The following ZNF385D variants were observed in gnomAD, a reference collection of about 807,000 sequenced individuals.
The protein encoded by ZNF385D is zinc finger protein 659.
ZNF385D carries 15 observed loss-of-function variants against 35.8 expected under a neutral mutation model. The ratio of observed to expected loss-of-function variants is 0.42; its 90% CI spans 0.28 to 0.64. ZNF385D has a LOEUF of 0.64. Ranked by LOEUF, ZNF385D falls within the 30% of genes least tolerant of loss-of-function variation. The probability of loss-of-function intolerance (pLI) is 0.23; values close to 1 mark genes in which losing one functional copy is unlikely to be tolerated. For missense variants in ZNF385D, 474 were observed against 494.6 expected (o/e 0.96, Z 0.39); for synonymous variants, 212 against 186.8 (o/e 1.13, Z -1.10).
chr3:22,028,302 C>T (rs1213745955), intron 3 of ZNF385D, among the ~76,000 whole-genome samples: 1 of 152,150 alleles, frequency 6.6e-6, no homozygotes, highest in African/African-American at 2.4e-5. Flanking sequence ...ACAACTCAGC[C>T]TCTTTCACCA....
In ZNF385D at chr3:21,876,697, AT is replaced by A. The variant is rs201353223; in HGVS notation, c.326-211670del. Reference sequence around the variant, plus strand: ...TAGAACAAGTTTTCTTATATTTTTGATTTTTTTTTTTACCAATTAAAGTTAT... The same window carrying A: ...TAGAACAAGTTTTCTTATATTTTTGATTTTTTTTTTACCAATTAAAGTTAT... On this transcript the variant is annotated intron_variant, in intron 3 of 5. Transcript: ENST00000494108. 4.2e-3 allele frequency among the ~76,000 whole-genome samples: 623 copies of A among 147,006 alleles called. 2 individuals carry two copies. Among genetic ancestry groups the A allele is most frequent in the East Asian group, 0.019 (95 of 5,014 alleles).
At chr3:22,112,780 CA>C (rs1702602060) in intron 3 of ZNF385D, among the ~76,000 whole-genome samples, 1 of 151,996 alleles carries the variant, frequency 6.6e-6, no homozygotes, top group Admixed American at 6.6e-5. Context: ...TCAAGAAATA[CA>C]AACTTCATTG....
chr3:21,508,777 T>C (rs927951650), intron 4 of ZNF385D, among the ~76,000 whole-genome samples: 1 of 152,210 alleles, frequency 6.6e-6, no homozygotes, highest in African/African-American at 2.4e-5. Context: ...CACTTTGGAA[T>C]ACTGACTTCC....
At chr3:21,787,184 T>C (rs1035058087) in intron 3 of ZNF385D, among the ~76,000 whole-genome samples, 6 of 152,158 alleles carry the variant, frequency 3.9e-5, no homozygotes, top group African/African-American at 1.4e-4. Context: ...GGGGGGTTAC[T>C]GATGAAAGAT....
At chr3:22,150,355 A>G (rs1432701969) in intron 3 of ZNF385D, among the ~76,000 whole-genome samples, 1 of 152,122 alleles carries the variant, frequency 6.6e-6, no homozygotes, top group East Asian at 1.9e-4. Flanking sequence ...CTTTATTTAT[A>G]TAAACATTCT....
intron 3 of ZNF385D, among the ~76,000 whole-genome samples, chr3:22,107,978 G>C (rs1024092729): frequency 6.6e-6 from 1 of 151,812 alleles, no homozygotes; most frequent in Non-Finnish European, 1.5e-5. Context: ...GCTTCAAGCA[G>C]CTTTTGGCTA....
At chr3:22,145,864 A>T (rs544507593) in intron 3 of ZNF385D, among the ~76,000 whole-genome samples, 5 of 152,300 alleles carry the variant, frequency 3.3e-5, no homozygotes, top group African/African-American at 1.2e-4. Context: ...CCAAATCAAC[A>T]TGAGGGTTCC....
chr3:21,930,452 A>T (rs1254332757), intron 3 of ZNF385D, among the ~76,000 whole-genome samples: 1 of 152,154 alleles, frequency 6.6e-6, no homozygotes, highest in Non-Finnish European at 1.5e-5. Flanking sequence ...ACTTCACTCT[A>T]ATTTCAAAAA....
intron 3 of ZNF385D, among the ~76,000 whole-genome samples, chr3:21,905,875 T>C (rs1356374576): frequency 3.9e-5 from 6 of 152,140 alleles, no homozygotes; most frequent in Non-Finnish European, 8.8e-5. Context: ...TTTAACAAGA[T>C]CAAAACTACA....
intron 2 of ZNF385D, among the ~76,000 whole-genome samples, chr3:22,309,090 G>C (rs1278284163): frequency 1.3e-5 from 2 of 151,986 alleles, no homozygotes; most frequent in African/African-American, 4.8e-5. Context: ...GTAACTTGAA[G>C]GGTGCCAAGA....
chr3:21,468,401 CAAAAAAAAA>C (rs1175784477), intron 4 of ZNF385D, among the ~76,000 whole-genome samples: 2 of 72,650 alleles, frequency 2.8e-5, no homozygotes. Flanking sequence ...GACACTGTCT[CAAAAAAAAA>C]AAAAAAAAAA....
intron 1 of ZNF385D, among the ~76,000 whole-genome samples, chr3:21,720,852 G>A (rs2068511304): frequency 1.3e-5 from 2 of 152,276 alleles, no homozygotes; most frequent in Middle Eastern, 6.8e-3. Context: ...GAAGAAAAAG[G>A]AGGTTCTCAG....
intron 4 of ZNF385D, among the ~76,000 whole-genome samples, chr3:21,479,280 C>G (rs1444876892): frequency 6.6e-6 from 1 of 151,576 alleles, no homozygotes; most frequent in Non-Finnish European, 1.5e-5. Context: ...TTTATCTTTA[C>G]TTATGTAACT....
chr3:22,181,583 A>T (rs1021141134), intron 2 of ZNF385D, among the ~76,000 whole-genome samples: 2 of 151,842 alleles, frequency 1.3e-5, no homozygotes, highest in African/African-American at 2.4e-5. Flanking sequence ...CTGTAGTCCC[A>T]GCTACTCTGG....
intron 3 of ZNF385D, among the ~76,000 whole-genome samples, chr3:22,094,864 G>T (rs1344674866): frequency 2.0e-5 from 3 of 151,970 alleles, no homozygotes; most frequent in Non-Finnish European, 4.4e-5. Flanking sequence ...ACAGCCTCAT[G>T]GTTGCCAGAT....
At chr3:22,127,982 G>T (rs1703539578) in intron 3 of ZNF385D, among the ~76,000 whole-genome samples, 1 of 152,058 alleles carries the variant, frequency 6.6e-6, no homozygotes, top group African/African-American at 2.4e-5. Context: ...AGTGAGTTTT[G>T]TACCTTCAGG....
intron 1 of ZNF385D, among the ~76,000 whole-genome samples, chr3:21,727,160 C>A (rs1244162708): frequency 6.6e-6 from 1 of 152,062 alleles, no homozygotes; most frequent in Non-Finnish European, 1.5e-5. Flanking sequence ...ACACCTTATA[C>A]AAAAATTAAC....
At chr3:22,025,117 G>A (rs952285213) in intron 3 of ZNF385D, among the ~76,000 whole-genome samples, 38 of 152,160 alleles carry the variant, frequency 2.5e-4, no homozygotes, top group Admixed American at 2.5e-3. Context: ...GGGACACTGA[G>A]TTTGTAAATT....
At chr3:21,613,135 T>A (rs1575321107) in intron 2 of ZNF385D, among the ~76,000 whole-genome samples, 1 of 152,186 alleles carries the variant, frequency 6.6e-6, no homozygotes, top group African/African-American at 2.4e-5. Context: ...GTGGAAAGAA[T>A]GTTCTTAGAA....
Sources: gnomAD v4.1 joint callset for allele counts (sites outside exome capture counted in the v4.1 genomes callset) on GRCh38, gnomAD v4.1.1 for gene constraint, MANE v1.5 for transcripts, NCBI Gene and HGNC (gene_info 2026-07-23, HGNC 2026-07-21) for gene names.